Variants in ATP6V1B1 observed in about 807,000 individuals in gnomAD.
ATP6V1B1 encodes V-type proton ATPase subunit B, kidney isoform.
A neutral mutation model predicts 62.1 loss-of-function variants in ATP6V1B1; 41 were observed. That is an observed-to-expected ratio of 0.66 (90% CI 0.51 to 0.86). The LOEUF is 0.86. Ranked by LOEUF, ATP6V1B1 falls within the 40% of genes least tolerant of loss-of-function variation. ATP6V1B1 has a pLI of 0.00. For missense variants in ATP6V1B1, 651 were observed against 697.5 expected, an observed-to-expected ratio of 0.93 and a Z score of 0.75; for synonymous variants, 253 against 273.4, an observed-to-expected ratio of 0.93 and a Z score of 0.74.
rs1224724290 is a variant in ATP6V1B1, at chr2:70,963,780, C to T, written c.1143+126C>T. ...AAGCGAACCCCAAACAGGAGACAGC[C>T]ACAGGGAAGACTGCATGGTTCACAG... is the stretch of plus-strand genomic sequence containing the variant. On this transcript the variant is annotated intron_variant, in intron 11 of 13. Coordinates refer to ENST00000234396, the MANE Select transcript of ATP6V1B1 (RefSeq NM_001692.4). This position sits in a 1 kb window ranked among gnomAD's most constrained non-coding sequence, Gnocchi z 4.3. 9.9e-7 allele frequency: 1 copy of T among 1,010,406 alleles called. No individual in the cohort carries two copies. Among genetic ancestry groups the T allele is most frequent in the African/African-American group, 1.6e-5 (1 of 62,586 alleles). The allele number at this position is 1,010,406 out of a possible 1,614,324, so 62.6% of individuals were successfully genotyped here. A position where few individuals can be genotyped will look rare whatever the true frequency, so the allele number is the denominator to read the frequency against.
rs201234802 is a variant in ATP6V1B1, at chr2:70,965,072, A to G, written c.1493A>G (p.Tyr498Cys). Residue 498 changes from tyrosine to cysteine, a missense_variant, in exon 14 of 14, where the codon TAT becomes TGT. Physicochemically the swap from Tyr to Cys is radical, Grantham distance 194. Coordinates refer to ENST00000234396, the MANE Select transcript of ATP6V1B1 (RefSeq NM_001692.4). ...CCGCAGGCCGTGATCGACGAGTTCT[A>G]TTCCCGCGAGGGGGCGCTGCAGGAC... ...RIPQAVIDEF[Y>C]SREGALQDLA... is the part of the protein sequence containing the mutation. 2.6e-4 allele frequency: 427 copies of G among 1,613,236 alleles called. No homozygotes were observed. Among genetic ancestry groups the G allele is most frequent in the Admixed American group, 4.2e-4 (25 of 60,024 alleles).
intron 2 of ATP6V1B1, among the ~76,000 whole-genome samples, chr2:70,946,404 T>C (rs1490553617): frequency 6.6e-6 from 1 of 152,156 alleles, no homozygotes; most frequent in African/African-American, 2.4e-5. Context: ...ATGCCAACCC[T>C]AGATCAACAG....
chr2:70,944,419 C>T (rs1553416966), intron 2 of ATP6V1B1, among the ~76,000 whole-genome samples: 1 of 152,032 alleles, frequency 6.6e-6, no homozygotes, highest in Non-Finnish European at 1.5e-5. Context: ...CTCAGCCTCC[C>T]ACCCCACCTC....
Position 70,950,932 on chromosome 2 carries a change from A to ATTTTTTTTTT in ATP6V1B1, c.175-7096_175-7087dup, listed in dbSNP as rs55871344. ...ACTGTGTGTGCATAATTTTTTCCTGATTTTTTTTTTTTTTTTTTTTTTTTT... is the reference window on the plus strand; with the variant it reads ...ACTGTGTGTGCATAATTTTTTCCTGATTTTTTTTTTTTTTTTTTTTTTTTTTTTTTTTTTT... On this transcript the variant is annotated intron_variant, in intron 2 of 13. Coordinates refer to ENST00000234396, the MANE Select transcript of ATP6V1B1 (RefSeq NM_001692.4). Among the ~76,000 whole-genome samples the ATTTTTTTTTT allele has an allele frequency of 1.1e-4, 7 of 64,624 alleles. 1 individual carries two copies. Among genetic ancestry groups the ATTTTTTTTTT allele is most frequent in the African/African-American group, 3.2e-4 (5 of 15,678 alleles). 42.4% of individuals were successfully genotyped at this position (64,624 alleles called of 152,430 possible).
Position 70,958,124 on chromosome 2 carries a change from G to A in ATP6V1B1, c.253G>A (p.Gly85Ser). ...QRSGQVLEVA[G>S]TKAIVQVFEG... ...GAGCGGGCAGGTGCTTGAGGTGGCT[G>A]GCACCAAGGCGATTGTTCAGGTGAG... Residue 85 changes from glycine (G) to serine (S), a missense_variant, in exon 3 of 14, where the codon GGC becomes AGC. Gly to Ser is a moderately conservative substitution (Grantham distance 56). Transcript: ENST00000234396. The A allele has an allele frequency of 6.2e-7, 1 of 1,614,132 alleles. No individual in the cohort carries two copies.
intron 1 of ATP6V1B1, among the ~76,000 whole-genome samples, chr2:70,942,827 G>A (rs1572907434): frequency 1.3e-5 from 2 of 152,328 alleles, no homozygotes; most frequent in South Asian, 4.1e-4. Flanking sequence ...TGCATCACAA[G>A]AACCTCAGAG....
chr2:70,957,121 C>G (rs1403415312), intron 2 of ATP6V1B1, among the ~76,000 whole-genome samples: 1 of 137,368 alleles, frequency 7.3e-6, no homozygotes, highest in Non-Finnish European at 1.5e-5. Context: ...GAGTCTCACT[C>G]TATCACCCAG....
rs1553420711 is a variant in ATP6V1B1 at position 70,964,560 on chromosome 2, C to T, written c.1248+18C>T. ...ACCAGCTGGTAAGGAGAAGAGGGTC[C>T]GGGGGCTGGTAGGTCCTCTAGTTTC... is the stretch of plus-strand genomic sequence containing the variant. On this transcript the variant is annotated intron_variant, in intron 12 of 13. Transcript: ENST00000234396. The T allele has an allele frequency of 1.9e-6, 3 of 1,612,826 alleles. No homozygotes were observed. Among genetic ancestry groups the T allele is most frequent in the Admixed American group, 1.7e-5 (1 of 60,012 alleles).
chr2:70,937,997 A>G (rs534490519), intron 1 of ATP6V1B1, among the ~76,000 whole-genome samples: 1 of 152,190 alleles, frequency 6.6e-6, no homozygotes, highest in South Asian at 2.1e-4. Flanking sequence ...ATGTGTTCAC[A>G]CCAAACAACC....
At chr2:70,945,062 T>C (rs1680123354) in intron 2 of ATP6V1B1, among the ~76,000 whole-genome samples, 1 of 152,224 alleles carries the variant, frequency 6.6e-6, no homozygotes. Context: ...TGAAATAGTG[T>C]CTGCATGGGG....
At chr2:70,962,447 CT>C (rs781902646) in intron 8 of ATP6V1B1, among the ~76,000 whole-genome samples, 4 of 152,156 alleles carry the variant, frequency 2.6e-5, no homozygotes, top group Non-Finnish European at 5.9e-5. Context: ...TGCCAGAGTC[CT>C]TCCCCTTCGG....
At chr2:70,937,382 G>A (rs1314950452) in intron 1 of ATP6V1B1, among the ~76,000 whole-genome samples, 4 of 152,128 alleles carry the variant, frequency 2.6e-5, no homozygotes, top group African/African-American at 9.7e-5. Flanking sequence ...GAGGCCTGAG[G>A]CAGGTGCTGA....
In ATP6V1B1 at chr2:70,959,205, C is replaced by A; in HGVS notation, c.445+110C>A. The A allele has an allele frequency of 8.5e-7, 1 of 1,180,284 alleles. No individual in the cohort carries two copies. Among genetic ancestry groups the A allele is most frequent in the Non-Finnish European group, 1.2e-6 (1 of 802,590 alleles). The allele number at this position is 1,180,284 out of a possible 1,614,324, so 73.1% of individuals were successfully genotyped here. A position where few individuals can be genotyped will look rare whatever the true frequency, so the allele number is the denominator to read the frequency against. On this transcript the variant is annotated intron_variant, in intron 5 of 13. Transcript: ENST00000234396. This position sits in a 1 kb window ranked among gnomAD's most constrained non-coding sequence, Gnocchi z 4.2. ...CAGATCAGATGTGATGGGAGAGCAG[C>A]AAAGGCCTCTCTATCCCCAAATCTT...
Position 70,962,940 on chromosome 2 carries a change from C to G in ATP6V1B1, c.909+40C>G, listed in dbSNP as rs1048646278. On this transcript the variant is annotated intron_variant, in intron 9 of 13. Coordinates refer to ENST00000234396, the MANE Select transcript of ATP6V1B1 (RefSeq NM_001692.4). The stretch of plus-strand genomic sequence containing the variant: ...AAGGGGTGTCAGATTCCTCCCTACC[C>G]CTCCCTAAGCCTGACACCCCAGACG... 1.9e-6 allele frequency: 3 copies of G among 1,612,538 alleles called. No homozygotes were observed. In the Admixed American group the frequency reaches 5.0e-5, roughly 27 times the overall value.
At chr2:70,946,046 T>C (rs116482632) in intron 2 of ATP6V1B1, among the ~76,000 whole-genome samples, 358 of 152,208 alleles carry the variant, frequency 2.4e-3, no homozygotes, top group African/African-American at 8.2e-3. Flanking sequence ...AACTGTGTTT[T>C]GTTCATCTTC....
intron 2 of ATP6V1B1, among the ~76,000 whole-genome samples, chr2:70,957,570 T>G (rs957968706): frequency 6.6e-6 from 1 of 152,068 alleles, no homozygotes; most frequent in Non-Finnish European, 1.5e-5. Flanking sequence ...GAAACAGATA[T>G]GCTGTCCAGG....
At chr2:70,938,352 G>A (rs1437892340) in intron 1 of ATP6V1B1, among the ~76,000 whole-genome samples, 6 of 152,186 alleles carry the variant, frequency 3.9e-5, no homozygotes, top group African/African-American at 1.4e-4. Flanking sequence ...CCAGAGGCAG[G>A]GCCACTCTGT....
intron 2 of ATP6V1B1, among the ~76,000 whole-genome samples, chr2:70,947,905 C>T (rs1297865760): frequency 6.6e-6 from 1 of 152,172 alleles, no homozygotes; most frequent in Non-Finnish European, 1.5e-5. Context: ...CCTTAAGATA[C>T]AAGCTCCTGG....
In ATP6V1B1 at chr2:70,961,596, G is replaced by C. The variant is rs1553420109; in HGVS notation, c.688G>C (p.Val230Leu). 6.2e-7 allele frequency: 1 copy of C among 1,614,246 alleles called. No homozygotes were observed. Among genetic ancestry groups the C allele is most frequent in the Non-Finnish European group, 8.5e-7 (1 of 1,180,028 alleles). The change falls in exon 8 of 14, where the codon GTG (valine) becomes CTG (leucine). Residue 230 changes from valine (V) to leucine (L), a missense_variant and splice_region_variant. Transcript: ENST00000234396. ...CCAGCCCACCCTGCTGTGTATCCAG[G>C]TGAACATGGAGACAGCCAGATTCTT... ...NFAIVFAAMG[V>L]NMETARFFKS...
Sources: gnomAD v4.1 joint callset for allele counts (sites outside exome capture counted in the v4.1 genomes callset) on GRCh38, gnomAD v4.1.1 for gene constraint, Gnocchi (gnomAD v3.1) non-coding constraint, MANE v1.5 for transcripts, NCBI Gene and HGNC (gene_info 2026-07-23, HGNC 2026-07-21) for gene names.